PTPRN2: variants seen among roughly 807,000 people sequenced by gnomAD.
PTPRN2 encodes receptor-type tyrosine-protein phosphatase N2.
PTPRN2 carries 74 observed loss-of-function variants against 118.8 expected under a neutral mutation model. That is an observed-to-expected ratio of 0.62 (90% CI 0.52 to 0.76). The LOEUF (loss-of-function observed/expected upper bound fraction) is 0.76. PTPRN2 is among the 30% of genes least tolerant of loss of function. The pLI, the probability that PTPRN2 is intolerant of heterozygous loss-of-function variation, is 0.00. For synonymous variants in PTPRN2, 641 were observed against 608.0 expected, an observed-to-expected ratio of 1.05 and a Z score of -0.80; for missense variants, 1,481 against 1,394.4, an observed-to-expected ratio of 1.06 and a Z score of -0.99.
chr7:157,644,938 C>G (rs1343870631), intron 14 of PTPRN2, among the ~76,000 whole-genome samples: 1 of 152,256 alleles, frequency 6.6e-6, no homozygotes, highest in Non-Finnish European at 1.5e-5. Context: ...TCCTTTCTCA[C>G]CTGGTCACAT....
intron 3 of PTPRN2, among the ~76,000 whole-genome samples, chr7:158,225,342 A>G (rs2150805738): frequency 6.6e-6 from 1 of 152,180 alleles, no homozygotes; most frequent in South Asian, 2.1e-4. Flanking sequence ...CAGCAGGTGG[A>G]TGGTTACCAT....
intron 3 of PTPRN2, among the ~76,000 whole-genome samples, chr7:158,308,083 T>G (rs1801428283): frequency 6.6e-6 from 1 of 152,192 alleles, no homozygotes; most frequent in East Asian, 1.9e-4. Context: ...TCTTTATAAA[T>G]TACCCAGTTT....
chr7:157,928,847 C>A (rs1799184204), intron 11 of PTPRN2, among the ~76,000 whole-genome samples: 1 of 104,514 alleles, frequency 9.6e-6, no homozygotes, highest in African/African-American at 4.2e-5. Context: ...GAGGGCAGTG[C>A]AGAGGATAGG....
rs550814417 is a variant in PTPRN2, at chr7:158,161,356, G to T, written c.910+5575C>A. Among the ~76,000 whole-genome samples, 60 of 152,304 alleles carry T rather than the reference G, an allele frequency of 3.9e-4. No individual in the cohort carries two copies. In the South Asian group the frequency reaches 8.5e-3, roughly 22 times the overall value. On this transcript the variant is annotated intron_variant, in intron 6 of 22. Transcript: ENST00000389418. ...GTTACGACTCACTCCAACTCCACAG[G>T]AATCCAGGCAGGGTGGGGTTGATGA...
intron 6 of PTPRN2, among the ~76,000 whole-genome samples, chr7:158,145,793 C>T (rs749920578): frequency 1.3e-5 from 2 of 152,164 alleles, no homozygotes; most frequent in East Asian, 1.9e-4. Context: ...CCCATCAATC[C>T]GATCATCCAT....
rs140805667 is a variant in PTPRN2 at position 158,518,211 on chromosome 7, G to A, written c.113-28426C>T. On this transcript the variant is annotated intron_variant, in intron 1 of 22. Transcript: ENST00000389418. ...ATCAATTAATTAATAGAGACGATACGGATTTCATGGGGTGGGAGGATATGA... is the reference window on the plus strand; with the variant it reads ...ATCAATTAATTAATAGAGACGATACAGATTTCATGGGGTGGGAGGATATGA... 3.9e-5 allele frequency among the ~76,000 whole-genome samples: 6 copies of A among 152,222 alleles called. No individual in the cohort carries two copies. In the East Asian group the frequency reaches 5.8e-4, roughly 15 times the overall value.
At chr7:157,941,479 C>G (rs1187907718) in intron 11 of PTPRN2, among the ~76,000 whole-genome samples, 1 of 151,148 alleles carries the variant, frequency 6.6e-6, no homozygotes, top group Non-Finnish European at 1.5e-5. Flanking sequence ...AACCCCCTCC[C>G]CCCTCCGTGA....
At chr7:157,786,462 G>A (rs1318861350) in intron 12 of PTPRN2, among the ~76,000 whole-genome samples, 1 of 152,236 alleles carries the variant, frequency 6.6e-6, no homozygotes, top group Non-Finnish European at 1.5e-5. Context: ...CATTCACAAA[G>A]CACTCCTGGG....
chr7:157,718,442 C>T (rs570778455), intron 12 of PTPRN2, among the ~76,000 whole-genome samples: 2 of 152,230 alleles, frequency 1.3e-5, no homozygotes, highest in Non-Finnish European at 2.9e-5. Flanking sequence ...CTTCACAGGG[C>T]GTGTTTGGAG....
intron 12 of PTPRN2, among the ~76,000 whole-genome samples, chr7:157,713,633 C>G (rs1448660610): frequency 6.6e-6 from 1 of 152,232 alleles, no homozygotes; most frequent in East Asian, 1.9e-4. Context: ...GGGACCAAGG[C>G]AAGCACACTG....
At chr7:158,527,818 G>A (rs1229036010) in intron 1 of PTPRN2, among the ~76,000 whole-genome samples, 1 of 152,158 alleles carries the variant, frequency 6.6e-6, no homozygotes, top group Non-Finnish European at 1.5e-5. Context: ...GGCTCCCCTG[G>A]TCTTCCTGCC....
intron 11 of PTPRN2, among the ~76,000 whole-genome samples, chr7:157,928,014 C>T (rs1004949295): frequency 5.9e-5 from 9 of 152,126 alleles, no homozygotes; most frequent in Non-Finnish European, 1.2e-4. Context: ...GCAATGGACA[C>T]GTGACAGGTG....
intron 3 of PTPRN2, among the ~76,000 whole-genome samples, chr7:158,235,419 A>G (rs908953609): frequency 6.6e-6 from 1 of 152,224 alleles, no homozygotes; most frequent in Non-Finnish European, 1.5e-5. Flanking sequence ...TGCCATAAAA[A>G]AGGGTGCAAG....
intron 6 of PTPRN2, among the ~76,000 whole-genome samples, chr7:158,146,691 A>T (rs1389723901): frequency 6.8e-6 from 1 of 147,878 alleles, no homozygotes; most frequent in Non-Finnish European, 1.5e-5. Context: ...ACTGCACTCC[A>T]GCCTGGGCGA....
intron 12 of PTPRN2, among the ~76,000 whole-genome samples, chr7:157,698,590 G>C (rs568256052): frequency 5.3e-5 from 8 of 152,152 alleles, no homozygotes; most frequent in Admixed American, 1.3e-4. Flanking sequence ...AAGCCTCAAG[G>C]CTTCATTATT....
chr7:158,138,355 C>G lies in PTPRN2; in HGVS notation c.1071G>C (p.Leu357=). Residue 357 remains leucine, a synonymous_variant, in exon 7 of 23, where the codon CTG becomes CTC. Transcript: ENST00000389418. ...VARGSPGRAA[L]GESGEQADGP... ...CATCCGCCTGTTCTCCAGACTCTCC[C>G]AGGGCCGCTCTCCCAGGGCTGCCTC... 1 of 1,613,816 alleles carries G rather than the reference C, an allele frequency of 6.2e-7. No homozygotes were observed. Among genetic ancestry groups the G allele is most frequent in the Non-Finnish European group, 8.5e-7 (1 of 1,180,038 alleles).
intron 1 of PTPRN2, among the ~76,000 whole-genome samples, chr7:158,560,551 G>A (rs907119577): frequency 4.6e-5 from 7 of 152,242 alleles, no homozygotes; most frequent in Non-Finnish European, 7.3e-5. Context: ...GTGTAAGAAC[G>A]GTGACCACTT....
chr7:157,958,050 A>T (rs1163991346), intron 11 of PTPRN2, among the ~76,000 whole-genome samples: 1 of 152,196 alleles, frequency 6.6e-6, no homozygotes, highest in Non-Finnish European at 1.5e-5. Context: ...TTGCTGTACC[A>T]TGACCAAGTG....
chr7:158,304,204 A>G (rs1384083059), intron 3 of PTPRN2, among the ~76,000 whole-genome samples: 62 of 149,918 alleles, frequency 4.1e-4, no homozygotes, highest in South Asian at 2.1e-3. Flanking sequence ...TAAGACATCC[A>G]TCAATACACA....
Sources: allele counts gnomAD v4.1 joint callset (sites outside exome capture counted in the v4.1 genomes callset), GRCh38; gene constraint gnomAD v4.1.1; transcripts MANE v1.5; gene names NCBI Gene and HGNC (gene_info 2026-07-23, HGNC 2026-07-21).